DOCK5: variants seen among roughly 807,000 people sequenced by gnomAD.
DOCK5 encodes dedicator of cytokinesis 5, also known as dedicator of cytokinesis protein 5.
A neutral mutation model predicts 251.8 loss-of-function variants in DOCK5; 142 were observed. The observed-to-expected ratio is 0.56, with a 90% CI of 0.49 to 0.65. The LOEUF is 0.65. Among genes scored for constraint, DOCK5 ranks in the 30% least tolerant of loss-of-function variants. The pLI, the probability that DOCK5 is intolerant of heterozygous loss-of-function variation, is 0.00. For missense variants in DOCK5, 2,111 were observed against 2,312.3 expected, an observed-to-expected ratio of 0.91 and a Z score of 1.79; for synonymous variants, 842 against 835.5, an observed-to-expected ratio of 1.01 and a Z score of -0.13.
chr8:25,221,051 C>T (rs971547202), intron 1 of DOCK5, among the ~76,000 whole-genome samples: 69 of 152,266 alleles, frequency 4.5e-4, no homozygotes, highest in African/African-American at 1.7e-3. Context: ...CAGTCTACCT[C>T]TCCAGTCTGT....
chr8:25,362,462 C>CTTTTTTTTTTTTTTTTTTTTTT (rs869096662), intron 28 of DOCK5, among the ~76,000 whole-genome samples: 1 of 54,634 alleles, frequency 1.8e-5, no homozygotes, highest in African/African-American at 5.8e-5. Flanking sequence ...CTTTTCTTTT[C>CTTTTTTTTTTTTTTTTTTTTTT]TTTTTTTTTT....
At chr8:25,384,474 T>A (rs1411437104) in intron 40 of DOCK5, among the ~76,000 whole-genome samples, 8 of 149,252 alleles carry the variant, frequency 5.4e-5, no homozygotes, top group South Asian at 2.1e-4. Context: ...TTTTTTTTTT[T>A]TTTGAGACAG....
chr8:25,331,781 C>CATATAT (rs746849662), intron 18 of DOCK5, among the ~76,000 whole-genome samples: 5 of 131,212 alleles, frequency 3.8e-5, no homozygotes, highest in African/African-American at 5.8e-5. Flanking sequence ...TAAATTAATG[C>CATATAT]ATATATATAT....
Position 25,200,256 on chromosome 8 carries a change from G to A in DOCK5, c.43+15305G>A, listed in dbSNP as rs76724366. Among the ~76,000 whole-genome samples, 605 of 152,222 alleles carry A rather than the reference G, an allele frequency of 4.0e-3. 4 individuals are homozygous for A. Among genetic ancestry groups the A allele is most frequent in the African/African-American group, 0.014 (585 of 41,534 alleles). On this transcript the variant is annotated intron_variant, in intron 1 of 51. Transcript: ENST00000276440. ...ACATACCCTTTGACTTAGCAACTCCGTTTCTCTGAGTTTATCTTACAAATA... is the reference window on the plus strand; with the variant it reads ...ACATACCCTTTGACTTAGCAACTCCATTTCTCTGAGTTTATCTTACAAATA...
rs760098324 is a variant in DOCK5 at position 25,255,679 on chromosome 8, TTG to T, written c.127+11923_127+11924del. Among the ~76,000 whole-genome samples, 37 of 152,258 alleles carry T rather than the reference TTG, an allele frequency of 2.4e-4. No individual in the cohort carries two copies. The East Asian group carries it at 3.1e-3, about 13-fold the overall frequency. On this transcript the variant is annotated intron_variant, in intron 2 of 51. Coordinates refer to ENST00000276440, the MANE Select transcript of DOCK5 (RefSeq NM_024940.8). ...TGGACCCCAATGTAACCTATGGACT[TTG>T]GGTGATAATGATGTGTCAGTGTAGG...
At chr8:25,369,784 G>A (rs1800841894) in intron 34 of DOCK5, 143 bp downstream of exon 34, 2 of 646,492 alleles carry the variant, frequency 3.1e-6, no homozygotes, top group East Asian at 5.6e-5. Flanking sequence ...GTATGGTTAT[G>A]GGGTGTATAC....
intron 1 of DOCK5, among the ~76,000 whole-genome samples, chr8:25,240,320 A>G (rs111777215): frequency 0.017 from 2,528 of 151,870 alleles, 84 homozygotes; most frequent in African/African-American, 0.058. Flanking sequence ...TAATTTATAT[A>G]CCATAAAATC....
chr8:25,225,052 T>A (rs900293536), intron 1 of DOCK5, among the ~76,000 whole-genome samples: 5 of 152,142 alleles, frequency 3.3e-5, no homozygotes, highest in East Asian at 1.9e-4. Flanking sequence ...TCACCTCACA[T>A]CCATTAGAAT....
rs368397053 is a variant in DOCK5 at position 25,228,478 on chromosome 8, C to T, written c.44-15196C>T. On this transcript the variant is annotated intron_variant, in intron 1 of 51. Coordinates refer to ENST00000276440, the MANE Select transcript of DOCK5 (RefSeq NM_024940.8). ...CAGAGGGGCTGTTCCTTGTGGCTAC[C>T]CCATAGGCAGTGTGCCCACAATGGC... 8.5e-5 allele frequency among the ~76,000 whole-genome samples: 13 copies of T among 152,142 alleles called. No individual in the cohort carries two copies. In the East Asian group the frequency reaches 1.4e-3, roughly 16 times the overall value.
At chr8:25,363,359 C>T (rs1180816332) in intron 29 of DOCK5, among the ~76,000 whole-genome samples, 3 of 152,292 alleles carry the variant, frequency 2.0e-5, no homozygotes, top group Admixed American at 2.0e-4. Context: ...CCTTCTCTAG[C>T]GTCGTCTCTT....
intron 5 of DOCK5, 76 bp downstream of exon 5, chr8:25,278,741 G>T: frequency 7.6e-7 from 1 of 1,322,196 alleles, no homozygotes; most frequent in Non-Finnish European, 1.1e-6. Flanking sequence ...CAGGGTGTTG[G>T]CCCCTTATTG....
chr8:25,290,049 A>G (rs1361319843), intron 5 of DOCK5, among the ~76,000 whole-genome samples: 1 of 151,432 alleles, frequency 6.6e-6, no homozygotes, highest in Non-Finnish European at 1.5e-5. Context: ...AAATTATCTC[A>G]TGTGTGTATA....
chr8:25,408,808 A>G lies in DOCK5; in HGVS notation c.5272A>G (p.Thr1758Ala), dbSNP rs764381959. Residue 1758 changes from threonine (T) to alanine (A), a missense_variant, in exon 50 of 52, where the codon ACC becomes GCC. By Grantham distance (58) the Thr-to-Ala change is moderately conservative. Around this residue, in one of 3 missense-constraint regions of DOCK5, gnomAD observed 1,717 missense variants for 1,892.4 expected, o/e 0.91. Transcript: ENST00000276440. ...KAPEPDLMSPTRKAQRPKSLQ... is the reference protein window; with the variant it reads ...KAPEPDLMSPARKAQRPKSLQ... ...TTTTTCTCTCTGGTCCTAGAGCCCA[A>G]CCAGAAAAGCACAAAGGCCAAAGAG... 3.1e-6 allele frequency: 5 copies of G among 1,613,972 alleles called. No homozygotes were observed. The highest frequency in any genetic ancestry group is 2.2e-5 in the South Asian group (2 of 91,074).
chr8:25,193,389 T>C (rs1801635052), intron 1 of DOCK5, among the ~76,000 whole-genome samples: 1 of 152,026 alleles, frequency 6.6e-6, no homozygotes, highest in Non-Finnish European at 1.5e-5. Context: ...AGCTTTTTTT[T>C]TTTTGCATTT....
intron 2 of DOCK5, 81 bp from the exon 3 acceptor site, chr8:25,268,764 A>C: frequency 8.4e-7 from 1 of 1,190,762 alleles, no homozygotes; most frequent in Non-Finnish European, 1.2e-6. Flanking sequence ...TTGCTAATAG[A>C]ACATGAGAGT....
Position 25,291,015 on chromosome 8 carries a change from C to T in DOCK5, c.322-1009C>T, listed in dbSNP as rs547966011. On this transcript the variant is annotated intron_variant, in intron 5 of 51. Coordinates refer to ENST00000276440, the MANE Select transcript of DOCK5 (RefSeq NM_024940.8). The stretch of plus-strand genomic sequence containing the variant: ...ATAACATATTGAGAGGATCTGGAGC[C>T]TTGGAGAGAAATGGATGTGACTTTG... Among the ~76,000 whole-genome samples, 7 of 152,166 alleles carry T rather than the reference C, an allele frequency of 4.6e-5. No homozygotes were observed. The East Asian group carries it at 1.4e-3, about 29-fold the overall frequency.
At chr8:25,400,857 C>A in intron 46 of DOCK5, 72 bp from the exon 47 acceptor site, 1 of 1,571,214 alleles carries the variant, frequency 6.4e-7, no homozygotes, top group South Asian at 1.1e-5. Context: ...CCCATCCCTC[C>A]CTTCCCCAAC....
chr8:25,375,066 A>G lies in DOCK5; in HGVS notation c.3816+412A>G, dbSNP rs370065978. 65 of 875,754 alleles carry G rather than the reference A, an allele frequency of 7.4e-5. No individual in the cohort carries two copies. In the East Asian group the frequency reaches 2.9e-3, roughly 39 times the overall value. 54.2% of individuals were successfully genotyped at this position (875,754 alleles called of 1,614,324 possible). On this transcript the variant is annotated intron_variant, in intron 37 of 51. Transcript: ENST00000276440. ...TATGTTGTGGTTTAGATATAAATACATCTATATGTTATGAATCCCAAGTAA... is the reference window on the plus strand; with the variant it reads ...TATGTTGTGGTTTAGATATAAATACGTCTATATGTTATGAATCCCAAGTAA...
At chr8:25,271,716 A>G (rs1330368834) in intron 3 of DOCK5, among the ~76,000 whole-genome samples, 2 of 152,218 alleles carry the variant, frequency 1.3e-5, no homozygotes, top group Admixed American at 1.3e-4. Flanking sequence ...GGCAACATCT[A>G]GAAAATCATT....
Sources: gnomAD v4.1 joint callset for allele counts (sites outside exome capture counted in the v4.1 genomes callset) on GRCh38, gnomAD v4.1.1 for gene constraint, gnomAD v4.1.1 regional missense constraint, MANE v1.5 for transcripts, NCBI Gene and HGNC (gene_info 2026-07-23, HGNC 2026-07-21) for gene names.